ERLEC1: variants seen among roughly 807,000 people sequenced by gnomAD.
The protein encoded by ERLEC1 is ER lectin.
In ERLEC1, 47 loss-of-function variants were observed where a neutral mutation model predicts 68.0. The observed-to-expected ratio is 0.69, with a 90% CI of 0.55 to 0.88. The LOEUF (loss-of-function observed/expected upper bound fraction) is 0.88, where lower values mean the gene tolerates loss of function less well. ERLEC1 is among the 40% of genes least tolerant of loss of function. The pLI is 0.00. For missense variants in ERLEC1, 567 were observed against 583.8 expected (o/e 0.97, Z 0.30); for synonymous variants, 225 against 203.2 (o/e 1.11, Z -0.91).
At chr2:53,789,210 G>A (rs1475015732) in intron 1 of ERLEC1, among the ~76,000 whole-genome samples, 1 of 151,724 alleles carries the variant, frequency 6.6e-6, no homozygotes, top group African/African-American at 2.4e-5. Flanking sequence ...CCTGACCAAC[G>A]TGGTGAAACC....
chr2:53,804,519 G>GCTTACCTCGGCCTTCCA (rs1457956790), intron 8 of ERLEC1, among the ~76,000 whole-genome samples: 1 of 152,002 alleles, frequency 6.6e-6, no homozygotes, highest in African/African-American at 2.4e-5. Flanking sequence ...CAAGTGATCT[G>GCTTACCTCGGCCTTCCA]CTTACCTCGG....
intron 1 of ERLEC1, among the ~76,000 whole-genome samples, chr2:53,792,834 G>A (rs1675482629): frequency 6.6e-6 from 1 of 151,996 alleles, no homozygotes; most frequent in African/African-American, 2.4e-5. Flanking sequence ...CTGGGCAAGA[G>A]GATAAAACCC....
At chr2:53,809,885 G>A (rs535055552) in intron 10 of ERLEC1, among the ~76,000 whole-genome samples, 3 of 151,652 alleles carry the variant, frequency 2.0e-5, no homozygotes, top group Admixed American at 6.6e-5. Flanking sequence ...GTGAAAACCC[G>A]TCTCTACTAC....
chr2:53,807,322 T>C (rs1163499662), intron 8 of ERLEC1, among the ~76,000 whole-genome samples: 1 of 152,232 alleles, frequency 6.6e-6, no homozygotes, highest in African/African-American at 2.4e-5. Context: ...TTTTTCTCTT[T>C]GTGAAGTCTT....
In ERLEC1 at chr2:53,801,862, ATAGCTTTTTGG is replaced by A. The variant is rs748873049; in HGVS notation, c.879+22_879+32del. ...AAAGAGGTATGAGAATTGTCTAATG[ATAGCTTTTTGG>A]TGCTTCATTTTTAAAATTTCAGAGC... is the stretch of plus-strand genomic sequence containing the variant. On this transcript the variant is annotated intron_variant, in intron 8 of 13. Coordinates refer to ENST00000185150, the MANE Select transcript of ERLEC1 (RefSeq NM_015701.5). 8 of 1,602,800 alleles carry A rather than the reference ATAGCTTTTTGG, an allele frequency of 5.0e-6. No individual in the cohort carries two copies. The highest frequency in any genetic ancestry group is 6.8e-6 in the Non-Finnish European group (8 of 1,174,370).
intron 13 of ERLEC1, among the ~76,000 whole-genome samples, chr2:53,815,715 T>G (rs1676841047): frequency 6.6e-6 from 1 of 152,328 alleles, no homozygotes; most frequent in East Asian, 1.9e-4. Context: ...CACTTTTTTT[T>G]GGTGGTGTTT....
chr2:53,800,984 T>A (rs561781886), intron 6 of ERLEC1, among the ~76,000 whole-genome samples: 1 of 152,262 alleles, frequency 6.6e-6, no homozygotes, highest in Admixed American at 6.5e-5. Context: ...CTATCAAATC[T>A]AAACTCTAAT....
chr2:53,814,985 ATTTTTTTTTCTTT>A, intron 13 of ERLEC1, 50 bp downstream of exon 13: 1 of 967,256 alleles, frequency 1.0e-6, no homozygotes, highest in South Asian at 1.8e-5. Flanking sequence ...CCATGTTTTA[ATTTTTTTTTCTTT>A]TTTTTTTTTT....
chr2:53,797,870 A>G lies in ERLEC1; in HGVS notation c.490+75A>G. 2.3e-6 allele frequency: 3 copies of G among 1,332,768 alleles called. No homozygotes were observed. The South Asian group carries it at 3.7e-5, about 16-fold the overall frequency. 82.6% of individuals were successfully genotyped at this position (1,332,768 alleles called of 1,614,324 possible). A position where few individuals can be genotyped will look rare whatever the true frequency, so the allele number is the denominator to read the frequency against. On this transcript the variant is annotated intron_variant, in intron 5 of 13. Transcript: ENST00000185150. ...ATATATGTTCAAAATGGAATTTACG[A>G]GATTTTTTTTTTGGACATTGTGTGA...
At chr2:53,808,878 C>G (rs1309666079) in intron 9 of ERLEC1, among the ~76,000 whole-genome samples, 1 of 152,188 alleles carries the variant, frequency 6.6e-6, no homozygotes, top group Non-Finnish European at 1.5e-5. Flanking sequence ...ATCATCCTGC[C>G]TCAGCCTCCC....
chr2:53,787,611 C>T (rs1342251901), intron 1 of ERLEC1: 1 of 411,596 alleles, frequency 2.4e-6, no homozygotes, highest in African/African-American at 2.0e-5. Flanking sequence ...CTTTTCAATT[C>T]TGTCGCACTA....
chr2:53,788,551 C>T (rs936640950), intron 1 of ERLEC1: 3 of 151,932 alleles, frequency 2.0e-5, no homozygotes, highest in African/African-American at 7.3e-5. Context: ...GAAATCCCAC[C>T]ACTCCTGGCT....
intron 5 of ERLEC1, among the ~76,000 whole-genome samples, chr2:53,798,688 AGTT>A (rs912676140): frequency 2.6e-5 from 4 of 151,694 alleles, no homozygotes; most frequent in Non-Finnish European, 5.9e-5. Flanking sequence ...GCTTAAGCAA[AGTT>A]ATTATATGTA....
Position 53,787,367 on chromosome 2 carries a change from T to C in ERLEC1, c.157T>C (p.Ser53Pro). 1 of 1,610,638 alleles carries C rather than the reference T, an allele frequency of 6.2e-7. No homozygotes were observed. The highest frequency in any genetic ancestry group is 8.5e-7 in the Non-Finnish European group (1 of 1,179,174). ...AGTCAACTGGCCCGGCACCGAGTTC[T>C]CTCTGGTCAGTGCCCTCACTAACCC... ...FRVNWPGTEFSLPTTGVLYKE... is the reference protein window; with the variant it reads ...FRVNWPGTEFPLPTTGVLYKE... Residue 53 changes from serine (S) to proline (P), a missense_variant, in exon 1 of 14, where the codon TCT becomes CCT. Ser to Pro is a moderately conservative substitution (Grantham distance 74). Coordinates refer to ENST00000185150, the MANE Select transcript of ERLEC1 (RefSeq NM_015701.5).
intron 10 of ERLEC1, among the ~76,000 whole-genome samples, chr2:53,809,695 G>A (rs1295457998): frequency 1.3e-5 from 2 of 152,146 alleles, no homozygotes; most frequent in Non-Finnish European, 2.9e-5. Context: ...GGAGGTTGCA[G>A]TGAGCCAAGA....
intron 2 of ERLEC1, 92 bp from the exon 3 acceptor site, chr2:53,795,841 T>C: frequency 1.3e-6 from 1 of 793,868 alleles, no homozygotes; most frequent in Non-Finnish European, 2.1e-6. Context: ...TTTCTAAGCA[T>C]TTGTGATTTG....
At chr2:53,788,240 C>T (rs1171612332) in intron 1 of ERLEC1, among the ~76,000 whole-genome samples, 1 of 152,166 alleles carries the variant, frequency 6.6e-6, no homozygotes, top group African/African-American at 2.4e-5. Flanking sequence ...ATTCAACTTG[C>T]AATACTTTAT....
Position 53,813,080 on chromosome 2 carries a change from A to T in ERLEC1, c.1226+7A>T. 1 of 1,604,666 alleles carries T rather than the reference A, an allele frequency of 6.2e-7. No homozygotes were observed. Among genetic ancestry groups the T allele is most frequent in the Non-Finnish European group, 8.5e-7 (1 of 1,178,040 alleles). On this transcript the variant is annotated splice_region_variant and intron_variant, in intron 11 of 13. Transcript: ENST00000185150. ...ATGGTACCCAGACAGTCAGGTAAAGATTCACTTTACTTGCCTTTGGAGCTA... is the reference window on the plus strand; with the variant it reads ...ATGGTACCCAGACAGTCAGGTAAAGTTTCACTTTACTTGCCTTTGGAGCTA...
chr2:53,806,662 A>C (rs1281676858), intron 8 of ERLEC1, among the ~76,000 whole-genome samples: 1 of 152,224 alleles, frequency 6.6e-6, no homozygotes, highest in African/African-American at 2.4e-5. Context: ...TTTCTGGAGT[A>C]ACCGTCCAGT....
Sources: allele counts gnomAD v4.1 joint callset (sites outside exome capture counted in the v4.1 genomes callset), GRCh38; gene constraint gnomAD v4.1.1; transcripts MANE v1.5; gene names NCBI Gene and HGNC (gene_info 2026-07-23, HGNC 2026-07-21).